IGF2BP2: variants seen among roughly 807,000 people sequenced by gnomAD.
IGF2BP2 encodes the protein insulin-like growth factor 2 mRNA-binding protein 2.
In IGF2BP2, 17 loss-of-function variants were observed where a neutral mutation model predicts 75.8. That is an observed-to-expected ratio of 0.22 (90% CI 0.15 to 0.34). IGF2BP2 has a LOEUF of 0.34. Among genes scored for constraint, IGF2BP2 ranks in the 10% least tolerant of loss-of-function variants. The probability of loss-of-function intolerance (pLI) is 1.00; values close to 1 mark genes in which losing one functional copy is unlikely to be tolerated. For missense variants in IGF2BP2, 516 were observed against 772.4 expected (o/e 0.67, Z 3.93); for synonymous variants, 288 against 295.6 (o/e 0.97, Z 0.26).
At chr3:185,764,116 A>C (rs533227123) in intron 2 of IGF2BP2, among the ~76,000 whole-genome samples, 1 of 152,314 alleles carries the variant, frequency 6.6e-6, no homozygotes, top group African/African-American at 2.4e-5. Context: ...TATTATAAAA[A>C]TAACACTTTT....
rs557196340 is a variant in IGF2BP2, at chr3:185,732,058, C to T, written c.240-33711G>A. On this transcript the variant is annotated intron_variant, in intron 2 of 15. Transcript: ENST00000382199. Reference sequence around the variant, plus strand: ...GCTCCTGCCTCTAGTCTTGTGCACTCGTTGTTCTCTCTGGTCCATCTGGGA... The same window carrying T: ...GCTCCTGCCTCTAGTCTTGTGCACTTGTTGTTCTCTCTGGTCCATCTGGGA... Among the ~76,000 whole-genome samples the T allele has an allele frequency of 7.2e-5, 11 of 152,278 alleles. No individual in the cohort carries two copies. In the South Asian group the frequency reaches 2.3e-3, roughly 32 times the overall value.
At position 185,645,358 on chromosome 3, in the gene IGF2BP2, C is replaced by T. The variant is rs1334958753; in HGVS notation, c.*173G>A. 14 of 588,076 alleles carry T rather than the reference C, an allele frequency of 2.4e-5. No homozygotes were observed. Among genetic ancestry groups the T allele is most frequent in the African/African-American group, 7.5e-5 (4 of 53,598 alleles). 36.4% of individuals were successfully genotyped at this position (588,076 alleles called of 1,614,324 possible). On this transcript the variant is annotated 3_prime_UTR_variant, in exon 16 of 16. Transcript: ENST00000382199. The surrounding 1 kb of genome is among the most constrained non-coding windows in gnomAD (Gnocchi z 4.9). The stretch of plus-strand genomic sequence containing the variant: ...CTGGCTGACCTTCCCCGCCCCTCCT[C>T]GGCCCCTGGGGTTCTCAGGGCCTCG...
chr3:185,755,116 A>G (rs1731441066), intron 2 of IGF2BP2, among the ~76,000 whole-genome samples: 1 of 152,176 alleles, frequency 6.6e-6, no homozygotes, highest in African/African-American at 2.4e-5. Context: ...GAAATCTTCC[A>G]GGTTACCCCT....
chr3:185,719,553 G>A (rs1313089868), intron 2 of IGF2BP2, among the ~76,000 whole-genome samples: 1 of 152,200 alleles, frequency 6.6e-6, no homozygotes, highest in East Asian at 1.9e-4. Context: ...TGGAGTACAG[G>A]CTGGGTGTGG....
chr3:185,646,974 G>T, intron 15 of IGF2BP2, 51 bp downstream of exon 15: 1 of 1,387,294 alleles, frequency 7.2e-7, no homozygotes, highest in South Asian at 1.2e-5. Context: ...CAGCTTAGCA[G>T]AGAATTGAAA....
intron 2 of IGF2BP2, among the ~76,000 whole-genome samples, chr3:185,703,970 T>C (rs1223946408): frequency 1.3e-5 from 2 of 152,134 alleles, no homozygotes; most frequent in Non-Finnish European, 2.9e-5. Context: ...ACCCAGCTTG[T>C]AGGATTCCAG....
intron 4 of IGF2BP2, chr3:185,693,100 GC>G (rs1722166142): frequency 5.3e-6 from 1 of 188,596 alleles, no homozygotes. Flanking sequence ...ACCATGACTT[GC>G]CTAACCATTC....
At chr3:185,774,500 CAGG>C (rs1358581671) in intron 2 of IGF2BP2, among the ~76,000 whole-genome samples, 18 of 151,024 alleles carry the variant, frequency 1.2e-4, no homozygotes, top group Admixed American at 1.2e-3. Flanking sequence ...GAGGCTGAGG[CAGG>C]AGAATGGAGT....
intron 2 of IGF2BP2, among the ~76,000 whole-genome samples, chr3:185,761,802 C>A (rs1489262200): frequency 7.2e-5 from 11 of 152,224 alleles, no homozygotes; most frequent in Admixed American, 5.9e-4. Context: ...GATTTAAACA[C>A]CACTGCATAA....
intron 10 of IGF2BP2, among the ~76,000 whole-genome samples, chr3:185,670,207 C>T (rs1480568763): frequency 6.6e-6 from 1 of 152,126 alleles, no homozygotes. Flanking sequence ...GGTTATTCTA[C>T]TATTTTAGTA....
rs1410693247 is a variant in IGF2BP2 at position 185,680,297 on chromosome 3, T to C, written c.813-4384A>G. On this transcript the variant is annotated intron_variant, in intron 7 of 15. Transcript: ENST00000382199. ...CTGATCAGACCAATAATGAGAGAGA[T>C]TGAATCAGTAATCAAAAACCTCCCA... 3.3e-5 allele frequency among the ~76,000 whole-genome samples: 5 copies of C among 152,014 alleles called. No individual in the cohort carries two copies. In the East Asian group the frequency reaches 9.6e-4, roughly 29 times the overall value.
Position 185,777,358 on chromosome 3 carries a change from G to T in IGF2BP2, c.239+45795C>A, listed in dbSNP as rs545788483. Among the ~76,000 whole-genome samples, 6 of 152,184 alleles carry T rather than the reference G, an allele frequency of 3.9e-5. No individual in the cohort carries two copies. The East Asian group carries it at 1.2e-3, about 29-fold the overall frequency. The stretch of plus-strand genomic sequence containing the variant: ...AACCAAAACAAAACAAAAAAAATTA[G>T]CTAAGCATGGTGGCTCATGCCTGTA... On this transcript the variant is annotated intron_variant, in intron 2 of 15. Coordinates refer to ENST00000382199, the MANE Select transcript of IGF2BP2 (RefSeq NM_006548.6).
chr3:185,685,263 G>C (rs576868409), intron 7 of IGF2BP2, among the ~76,000 whole-genome samples: 3 of 152,020 alleles, frequency 2.0e-5, no homozygotes, highest in Non-Finnish European at 2.9e-5. Context: ...CAGGAGAATT[G>C]CTTGAACCCG....
chr3:185,773,588 T>C (rs114696297), intron 2 of IGF2BP2, among the ~76,000 whole-genome samples: 1 of 152,328 alleles, frequency 6.6e-6, no homozygotes, highest in Non-Finnish European at 1.5e-5. Flanking sequence ...TTAAATTTCC[T>C]ACATAAAAAC....
At position 185,825,005 on chromosome 3, in the gene IGF2BP2, G is replaced by C; in HGVS notation, c.-45C>G. On this transcript the variant is annotated 5_prime_UTR_variant, in exon 1 of 16. Transcript: ENST00000382199. ...CCGCGGCTCCCCCGGCCCGGTACCC[G>C]GCGCTCCTCGCCTCCTCCGCTGCCC... 1 of 1,414,166 alleles carries C rather than the reference G, an allele frequency of 7.1e-7. No individual in the cohort carries two copies. Among genetic ancestry groups the C allele is most frequent in the Non-Finnish European group, 9.4e-7 (1 of 1,061,718 alleles). The allele number at this position is 1,414,166 out of a possible 1,614,324, so 87.6% of individuals were successfully genotyped here. A position where few individuals can be genotyped will look rare whatever the true frequency, so the allele number is the denominator to read the frequency against.
At chr3:185,763,608 T>A (rs932347462) in intron 2 of IGF2BP2, among the ~76,000 whole-genome samples, 1 of 152,184 alleles carries the variant, frequency 6.6e-6, no homozygotes, top group Non-Finnish European at 1.5e-5. Flanking sequence ...AAGCCATTCT[T>A]GTAGCTGTCA....
intron 2 of IGF2BP2, among the ~76,000 whole-genome samples, chr3:185,715,669 G>A (rs1275948546): frequency 6.6e-6 from 1 of 151,514 alleles, no homozygotes; most frequent in East Asian, 1.9e-4. Flanking sequence ...TTGAGATGGA[G>A]TTTCATTCTT....
intron 2 of IGF2BP2, among the ~76,000 whole-genome samples, chr3:185,738,247 T>C (rs1729101582): frequency 6.6e-6 from 1 of 152,232 alleles, no homozygotes; most frequent in African/African-American, 2.4e-5. Flanking sequence ...TGAGTGCCTA[T>C]TATTTTCCAG....
chr3:185,652,145 G>C lies in IGF2BP2; in HGVS notation c.1410C>G (p.Asp470Glu). Residue 470 changes from aspartate to glutamate, a missense_variant, in exon 13 of 16, where the codon GAC (aspartate) becomes GAG (glutamate). This residue lies in a region of IGF2BP2 where 129 missense variants were observed against 230.5 expected (regional missense o/e 0.56). Coordinates refer to ENST00000382199, the MANE Select transcript of IGF2BP2 (RefSeq NM_006548.6). ...SIKIAPAEGP[D>E]VSERMVIITG... ...TGATGATGACCATCCTTTCGCTGAC[G>C]TCTGGGCCTTCCGCAGGGGCAATCT... 6.2e-7 allele frequency: 1 copy of C among 1,612,652 alleles called. No individual in the cohort carries two copies. The highest frequency in any genetic ancestry group is 1.1e-5 in the South Asian group (1 of 90,820).
Sources: gnomAD v4.1 joint callset for allele counts (sites outside exome capture counted in the v4.1 genomes callset) on GRCh38, gnomAD v4.1.1 for gene constraint, gnomAD v4.1.1 regional missense constraint, Gnocchi (gnomAD v3.1) non-coding constraint, MANE v1.5 for transcripts, NCBI Gene and HGNC (gene_info 2026-07-23, HGNC 2026-07-21) for gene names.